Variants in EVI5 observed in about 807,000 individuals in gnomAD.
The protein encoded by EVI5 is ecotropic viral integration site 5 protein homolog.
EVI5 carries 73 observed loss-of-function variants against 112.0 expected under a neutral mutation model. The ratio of observed to expected loss-of-function variants is 0.65; its 90% CI spans 0.54 to 0.79. The LOEUF (loss-of-function observed/expected upper bound fraction) is 0.79, where lower values mean the gene tolerates loss of function less well. Ranked by LOEUF, EVI5 falls within the 30% of genes least tolerant of loss-of-function variation. The pLI is 0.00. For missense variants in EVI5, 900 were observed against 968.8 expected, an observed-to-expected ratio of 0.93 and a Z score of 0.94; for synonymous variants, 305 against 319.9, an observed-to-expected ratio of 0.95 and a Z score of 0.50.
Position 92,581,616 on chromosome 1 carries a change from T to TTA in EVI5, c.2071-17881_2071-17880dup, listed in dbSNP as rs1252900949. On this transcript the variant is annotated intron_variant, in intron 18 of 19. Transcript: ENST00000684568. ...GCTCTACCACTGTCTGCTTCTTTTG[T>TTA]TAGCTGTCACTTTTTAAAGTTTATT... 1.1e-4 allele frequency among the ~76,000 whole-genome samples: 16 copies of TTA among 152,290 alleles called. No homozygotes were observed. In the East Asian group the frequency reaches 3.1e-3, roughly 29 times the overall value.
At chr1:92,757,550 G>A (rs936009672) in intron 1 of EVI5, among the ~76,000 whole-genome samples, 1 of 151,720 alleles carries the variant, frequency 6.6e-6, no homozygotes, top group Non-Finnish European at 1.5e-5. Flanking sequence ...AATAGTATAG[G>A]TATATGGATT....
At chr1:92,693,078 G>A (rs952880744) in intron 9 of EVI5, among the ~76,000 whole-genome samples, 2 of 152,196 alleles carry the variant, frequency 1.3e-5, no homozygotes, top group African/African-American at 4.8e-5. Flanking sequence ...TTGACCAGGT[G>A]CAGCGGCTCA....
intron 9 of EVI5, among the ~76,000 whole-genome samples, chr1:92,679,316 TA>T (rs1667235200): frequency 6.6e-6 from 1 of 152,104 alleles, no homozygotes; most frequent in African/African-American, 2.4e-5. Flanking sequence ...ACCACTGTCT[TA>T]AAAGACTATA....
chr1:92,633,500 C>T (rs71451511), intron 14 of EVI5, among the ~76,000 whole-genome samples: 3 of 152,114 alleles, frequency 2.0e-5, no homozygotes, highest in Admixed American at 6.5e-5. Flanking sequence ...GCAACCCCTG[C>T]CTTTTTTTGT....
intron 13 of EVI5, among the ~76,000 whole-genome samples, chr1:92,658,176 A>G (rs10874733): frequency 0.61 from 93,526 of 152,086 alleles, 29,609 homozygotes; most frequent in East Asian, 0.93. Flanking sequence ...AAGATCTGGA[A>G]CAAGACAAGG....
intron 7 of EVI5, among the ~76,000 whole-genome samples, chr1:92,694,866 T>A (rs1294934335): frequency 6.6e-6 from 1 of 152,162 alleles, no homozygotes; most frequent in Non-Finnish European, 1.5e-5. Flanking sequence ...CAACCTGCAA[T>A]GTGTTCATAG....
At chr1:92,627,877 C>T (rs1400618824) in intron 14 of EVI5, among the ~76,000 whole-genome samples, 1 of 152,030 alleles carries the variant, frequency 6.6e-6, no homozygotes, top group East Asian at 1.9e-4. Flanking sequence ...GCAACTTCTG[C>T]CTCCCGGGTT....
At chr1:92,623,846 C>A (rs1189855047) in intron 16 of EVI5, among the ~76,000 whole-genome samples, 1 of 152,178 alleles carries the variant, frequency 6.6e-6, no homozygotes, top group African/African-American at 2.4e-5. Context: ...TATCTTCTAG[C>A]CAAAAATGTT....
chr1:92,757,907 C>CA (rs71091299), intron 1 of EVI5, among the ~76,000 whole-genome samples: 713 of 70,152 alleles, frequency 0.01, 10 homozygotes, highest in African/African-American at 0.031. Context: ...GACTCTGCCT[C>CA]AAAAAAAAAA....
chr1:92,547,136 A>G (rs1426258979), intron 19 of EVI5, among the ~76,000 whole-genome samples: 1 of 152,254 alleles, frequency 6.6e-6, no homozygotes, highest in African/African-American at 2.4e-5. Context: ...AATAGAAATT[A>G]TAACAAACTG....
chr1:92,724,712 G>A (rs1675290371), intron 2 of EVI5, among the ~76,000 whole-genome samples: 1 of 152,204 alleles, frequency 6.6e-6, no homozygotes, highest in Admixed American at 6.5e-5. Flanking sequence ...GGAGGCAGAG[G>A]TGGAAGGATC....
intron 2 of EVI5, among the ~76,000 whole-genome samples, chr1:92,712,553 TTTAA>T (rs1354436531): frequency 1.3e-5 from 2 of 152,166 alleles, no homozygotes; most frequent in Non-Finnish European, 2.9e-5. Flanking sequence ...TAATAAATTG[TTTAA>T]TTAATTATAC....
chr1:92,713,918 A>G, intron 2 of EVI5: 1 of 546,262 alleles, frequency 1.8e-6, no homozygotes, highest in Non-Finnish European at 2.3e-6. Flanking sequence ...AACCACGCAA[A>G]TAATGGCTCA....
At chr1:92,758,486 T>C (rs1357250556) in intron 1 of EVI5, among the ~76,000 whole-genome samples, 2 of 151,446 alleles carry the variant, frequency 1.3e-5, no homozygotes, top group African/African-American at 4.9e-5. Flanking sequence ...GGACTATTGA[T>C]TGAGTCTACG....
intron 14 of EVI5, among the ~76,000 whole-genome samples, chr1:92,627,176 C>G (rs1201258518): frequency 2.0e-5 from 3 of 152,168 alleles, no homozygotes; most frequent in Non-Finnish European, 4.4e-5. Context: ...CCACTCTTCC[C>G]CACAAGTCCT....
chr1:92,691,508 G>T (rs1360455578), intron 9 of EVI5, among the ~76,000 whole-genome samples: 1 of 152,136 alleles, frequency 6.6e-6, no homozygotes, highest in Non-Finnish European at 1.5e-5. Flanking sequence ...AATGTGATCT[G>T]TAGCTAATGA....
intron 19 of EVI5, among the ~76,000 whole-genome samples, chr1:92,557,708 A>T (rs1667894681): frequency 6.6e-6 from 1 of 151,728 alleles, no homozygotes. Flanking sequence ...GACAAATCAT[A>T]AAAAATTCCG....
intron 1 of EVI5, among the ~76,000 whole-genome samples, chr1:92,745,493 A>G (rs1260295852): frequency 6.6e-6 from 1 of 152,180 alleles, no homozygotes; most frequent in East Asian, 1.9e-4. Context: ...AAACCATTAG[A>G]TGTACTACTG....
At chr1:92,773,011 C>G (rs1030855450) in intron 1 of EVI5, among the ~76,000 whole-genome samples, 1 of 151,070 alleles carries the variant, frequency 6.6e-6, no homozygotes, top group Non-Finnish European at 1.5e-5. Flanking sequence ...AGTTCAAGAC[C>G]AGCCTGACCA....
Sources: gnomAD v4.1 joint callset for allele counts (sites outside exome capture counted in the v4.1 genomes callset) on GRCh38, gnomAD v4.1.1 for gene constraint, MANE v1.5 for transcripts, NCBI Gene and HGNC (gene_info 2026-07-23, HGNC 2026-07-21) for gene names.